Variants in ELOVL2 observed in about 807,000 individuals in gnomAD.
ELOVL2 encodes the protein ELOVL fatty acid elongase 2.
A neutral mutation model predicts 37.7 loss-of-function variants in ELOVL2; 38 were observed. The ratio of observed to expected loss-of-function variants is 1.01; its 90% CI spans 0.78 to 1.32. The LOEUF (loss-of-function observed/expected upper bound fraction) is 1.32, where lower values mean the gene tolerates loss of function less well. ELOVL2 is among the 40% of genes most tolerant of loss of function. ELOVL2 has a pLI of 0.00. For missense variants in ELOVL2, 352 were observed against 363.6 expected, an observed-to-expected ratio of 0.97 and a Z score of 0.26; for synonymous variants, 115 against 122.3, an observed-to-expected ratio of 0.94 and a Z score of 0.40.
intron 1 of ELOVL2, among the ~76,000 whole-genome samples, chr6:11,024,912 G>A (rs1000251122): frequency 4.6e-5 from 7 of 152,166 alleles, no homozygotes. Context: ...ACATTTGAGA[G>A]AAACTGTTTC....
chr6:10,990,274 T>C (rs1459224448), intron 6 of ELOVL2, 44 bp downstream of exon 6: 1 of 1,595,682 alleles, frequency 6.3e-7, no homozygotes, highest in African/African-American at 1.4e-5. Flanking sequence ...CCTTTCCCCA[T>C]CCATAAGCCA....
intron 1 of ELOVL2, among the ~76,000 whole-genome samples, chr6:11,032,171 T>G (rs1330200784): frequency 1.3e-5 from 2 of 152,196 alleles, no homozygotes; most frequent in Non-Finnish European, 2.9e-5. Flanking sequence ...ATGTAGAGTT[T>G]ATTCTATTTT....
intron 5 of ELOVL2, among the ~76,000 whole-genome samples, chr6:10,992,908 G>A (rs1198947860): frequency 1.3e-5 from 2 of 152,010 alleles, no homozygotes; most frequent in African/African-American, 4.8e-5. Flanking sequence ...AAATATGAAT[G>A]AGGGCCAGGC....
At chr6:11,043,432 C>CACACACACACACACAG (rs1428059244) in intron 1 of ELOVL2, 1 of 115,010 alleles carries the variant, frequency 8.7e-6, no homozygotes, top group South Asian at 3.2e-4. Flanking sequence ...CACACACACA[C>CACACACACACACACAG]AGCTTACTGT....
chr6:11,024,471 ACAC>A (rs1394524706), intron 1 of ELOVL2, among the ~76,000 whole-genome samples: 2 of 152,188 alleles, frequency 1.3e-5, no homozygotes, highest in Admixed American at 6.5e-5. Flanking sequence ...AGGTCCCTAG[ACAC>A]CACTATTTTT....
intron 1 of ELOVL2, among the ~76,000 whole-genome samples, chr6:11,025,850 T>G (rs949982445): frequency 2.6e-5 from 4 of 152,256 alleles, no homozygotes; most frequent in Non-Finnish European, 5.9e-5. Context: ...AAAATAATTT[T>G]TCTTTTTAGA....
intron 7 of ELOVL2, 144 bp from the exon 8 acceptor site, chr6:10,984,050 A>G (rs1781994676): frequency 1.3e-6 from 1 of 759,296 alleles, no homozygotes; most frequent in Non-Finnish European, 2.0e-6. Context: ...CAGAGTTTCA[A>G]TCTGTCACCC....
intron 7 of ELOVL2, among the ~76,000 whole-genome samples, chr6:10,986,411 A>T (rs912301025): frequency 1.3e-4 from 20 of 152,220 alleles, no homozygotes; most frequent in Non-Finnish European, 1.8e-4. Context: ...GAGAGAGGGC[A>T]TCCCTGTCTT....
intron 1 of ELOVL2, chr6:11,043,887 G>T (rs1406400174): frequency 4.3e-6 from 1 of 231,614 alleles, no homozygotes; most frequent in Non-Finnish European, 8.3e-6. Flanking sequence ...GCGAAGGAGG[G>T]GCGGCTTCCT....
intron 4 of ELOVL2, among the ~76,000 whole-genome samples, chr6:10,999,652 G>T (rs1400792053): frequency 6.6e-6 from 1 of 152,186 alleles, no homozygotes; most frequent in East Asian, 1.9e-4. Flanking sequence ...GGGATTACAG[G>T]CGTGAGCCAC....
intron 7 of ELOVL2, among the ~76,000 whole-genome samples, chr6:10,987,412 G>C (rs3929875): frequency 0.18 from 27,883 of 151,974 alleles, 3,428 homozygotes; most frequent in East Asian, 0.44. Flanking sequence ...GTTTGCTCTT[G>C]CTCTTCTAGT....
chr6:11,026,291 A>T (rs1386627657), intron 1 of ELOVL2, among the ~76,000 whole-genome samples: 1 of 152,084 alleles, frequency 6.6e-6, no homozygotes, highest in African/African-American at 2.4e-5. Flanking sequence ...TAGACTATGA[A>T]TTTTTTTCAT....
intron 1 of ELOVL2, among the ~76,000 whole-genome samples, chr6:11,034,366 G>C (rs368594134): frequency 6.6e-6 from 1 of 151,986 alleles, no homozygotes; most frequent in East Asian, 1.9e-4. Flanking sequence ...TTATCCTGTT[G>C]GTCCACAAAC....
intron 2 of ELOVL2, among the ~76,000 whole-genome samples, chr6:11,008,060 G>A (rs1247514767): frequency 6.6e-6 from 1 of 152,100 alleles, no homozygotes; most frequent in Non-Finnish European, 1.5e-5. Context: ...ACCCCTTGAT[G>A]GTACTAACAT....
rs1781973183 is a variant in ELOVL2 at position 10,983,194 on chromosome 6, A to G, written c.*587T>C. The G allele has an allele frequency of 6.6e-6, 1 of 152,314 alleles. No individual in the cohort carries two copies. The highest frequency in any genetic ancestry group is 3.4e-3 in the Middle Eastern group (1 of 294). The allele number at this position is 152,314 out of a possible 1,614,324, so 9.4% of individuals were successfully genotyped here. A position where few individuals can be genotyped will look rare whatever the true frequency, so the allele number is the denominator to read the frequency against. On this transcript the variant is annotated 3_prime_UTR_variant, in exon 8 of 8. Transcript: ENST00000354666. ...TTACCATATCACTAAATTTAGAATC[A>G]GGAGTGGTTGTGGGAATCTGATAGA...
intron 5 of ELOVL2, among the ~76,000 whole-genome samples, chr6:10,991,995 TAC>T (rs1782168840): frequency 6.6e-6 from 1 of 152,222 alleles, no homozygotes; most frequent in Non-Finnish European, 1.5e-5. Flanking sequence ...ACTATGTCTG[TAC>T]ACAGTGATGA....
At chr6:11,005,255 A>C (rs1218199564) in intron 3 of ELOVL2, 117 bp downstream of exon 3, 1 of 823,652 alleles carries the variant, frequency 1.2e-6, no homozygotes, top group Admixed American at 2.7e-5. Flanking sequence ...CAAATGCTGG[A>C]ATAAGTTTTT....
intron 7 of ELOVL2, 23 bp from the exon 8 acceptor site, chr6:10,983,929 A>G: frequency 6.3e-7 from 1 of 1,588,754 alleles, no homozygotes. Flanking sequence ...TATATTTTGA[A>G]GAGAAAAATA....
intron 5 of ELOVL2, among the ~76,000 whole-genome samples, chr6:10,993,857 ATTTTTTTTTTTTTTTTTT>A (rs530539525): frequency 1.3e-5 from 1 of 79,042 alleles, no homozygotes; most frequent in African/African-American, 4.3e-5. Context: ...CGCCCAGCTA[ATTTTTTTTTTTTTTTTTT>A]TTTTTTTTTT....
Sources: allele counts gnomAD v4.1 joint callset (sites outside exome capture counted in the v4.1 genomes callset), GRCh38; gene constraint gnomAD v4.1.1; transcripts MANE v1.5; gene names NCBI Gene and HGNC (gene_info 2026-07-23, HGNC 2026-07-21).